Variants in PLD5 observed in about 807,000 individuals in gnomAD.
The protein encoded by PLD5 is inactive phospholipase D5.
PLD5 carries 36 observed loss-of-function variants against 61.1 expected under a neutral mutation model. The ratio of observed to expected loss-of-function variants is 0.59; its 90% CI spans 0.45 to 0.78. The LOEUF is 0.78. PLD5 is among the 30% of genes least tolerant of loss of function. PLD5 has a pLI of 0.00. For synonymous variants in PLD5, 243 were observed against 242.8 expected (o/e 1.00, Z -0.01); for missense variants, 515 against 644.4 (o/e 0.80, Z 2.17).
chr1:242,472,201 G>A (rs888214791), intron 1 of PLD5, among the ~76,000 whole-genome samples: 1 of 152,162 alleles, frequency 6.6e-6, no homozygotes, highest in Non-Finnish European at 1.5e-5. Flanking sequence ...TCCCACCACG[G>A]AGCTACTTGG....
intron 1 of PLD5, among the ~76,000 whole-genome samples, chr1:242,508,479 G>C (rs1050352991): frequency 1.3e-5 from 2 of 152,100 alleles, no homozygotes; most frequent in South Asian, 4.1e-4. Context: ...CCATATTGAG[G>C]AGCTCTTCAC....
At chr1:242,363,668 T>A (rs1449386937) in intron 1 of PLD5, among the ~76,000 whole-genome samples, 4 of 151,816 alleles carry the variant, frequency 2.6e-5, no homozygotes, top group Non-Finnish European at 1.5e-5. Context: ...ATTAAGCAAT[T>A]GAAGTCAACT....
intron 1 of PLD5, among the ~76,000 whole-genome samples, chr1:242,500,966 G>C (rs1033655309): frequency 6.6e-6 from 1 of 151,504 alleles, no homozygotes; most frequent in Non-Finnish European, 1.5e-5. Context: ...ATCATTTAAC[G>C]TTTTTCTTTA....
At chr1:242,159,583 C>G (rs1298988880) in intron 5 of PLD5, among the ~76,000 whole-genome samples, 1 of 152,090 alleles carries the variant, frequency 6.6e-6, no homozygotes, top group Non-Finnish European at 1.5e-5. Flanking sequence ...GGGGCTTTCT[C>G]CGTGATCCCG....
intron 5 of PLD5, among the ~76,000 whole-genome samples, chr1:242,182,815 C>T (rs1667607578): frequency 6.6e-6 from 1 of 152,068 alleles, no homozygotes; most frequent in Admixed American, 6.6e-5. Flanking sequence ...TGCACTCCAG[C>T]CTGGGCAACA....
intron 2 of PLD5, among the ~76,000 whole-genome samples, chr1:242,310,564 G>A (rs1464926547): frequency 6.6e-6 from 1 of 152,188 alleles, no homozygotes; most frequent in African/African-American, 2.4e-5. Context: ...AAGATAAGGA[G>A]AGGAAGATGG....
intron 1 of PLD5, among the ~76,000 whole-genome samples, chr1:242,371,220 C>T (rs1018407834): frequency 1.3e-5 from 2 of 152,122 alleles, no homozygotes; most frequent in Admixed American, 6.6e-5. Flanking sequence ...CACACACGCA[C>T]ACACTTTTAT....
chr1:242,383,572 T>C (rs1460757879), intron 1 of PLD5, among the ~76,000 whole-genome samples: 1 of 152,048 alleles, frequency 6.6e-6, no homozygotes, highest in African/African-American at 2.4e-5. Context: ...AGCTTCTGCC[T>C]AAGCTTTTGT....
chr1:242,510,171 A>G (rs1208288625), intron 1 of PLD5, among the ~76,000 whole-genome samples: 1 of 152,110 alleles, frequency 6.6e-6, no homozygotes, highest in South Asian at 2.1e-4. Flanking sequence ...ATGGCTGACT[A>G]TAGAAGACCC....
chr1:242,297,110 C>G (rs2149152168), intron 2 of PLD5, among the ~76,000 whole-genome samples: 1 of 152,170 alleles, frequency 6.6e-6, no homozygotes, highest in African/African-American at 2.4e-5. Flanking sequence ...CTTTGGGAGG[C>G]CAAGGCAAGC....
intron 5 of PLD5, among the ~76,000 whole-genome samples, chr1:242,213,692 C>T (rs551487711): frequency 6.6e-6 from 1 of 151,282 alleles, no homozygotes; most frequent in African/African-American, 2.4e-5. Flanking sequence ...AGAGAGTTAA[C>T]CCCCGCAGCA....
At position 242,300,809 on chromosome 1, in the gene PLD5, G is replaced by A. The variant is rs1445014581; in HGVS notation, c.327-12279C>T. Reference sequence around the variant, plus strand: ...GACCGCTGCGATAGCATGGAGCCTCGGCGAAGGGCGGTGGCAGCTTGAACC... The same window carrying A: ...GACCGCTGCGATAGCATGGAGCCTCAGCGAAGGGCGGTGGCAGCTTGAACC... On this transcript the variant is annotated intron_variant, in intron 2 of 9. Transcript: ENST00000536534. Among the ~76,000 whole-genome samples, 7 of 152,226 alleles carry A rather than the reference G, an allele frequency of 4.6e-5. No homozygotes were observed. The East Asian group carries it at 1.2e-3, about 25-fold the overall frequency.
intron 5 of PLD5, among the ~76,000 whole-genome samples, chr1:242,177,035 G>A (rs1667195002): frequency 6.6e-6 from 1 of 152,150 alleles, no homozygotes; most frequent in African/African-American, 2.4e-5. Flanking sequence ...CAAGGATCTA[G>A]AACCAGAAAT....
At chr1:242,176,407 C>A (rs145175448) in intron 5 of PLD5, among the ~76,000 whole-genome samples, 14 of 152,252 alleles carry the variant, frequency 9.2e-5, no homozygotes, top group African/African-American at 3.4e-4. Context: ...CGCTGTACCC[C>A]TTCCTTATAG....
intron 1 of PLD5, 148 bp downstream of exon 1, chr1:242,523,940 G>A (rs1011469811): frequency 5.9e-6 from 5 of 853,962 alleles, no homozygotes; most frequent in Middle Eastern, 3.6e-4. Context: ...TGCAGGCAGA[G>A]AAGCCCCCGA....
intron 1 of PLD5, among the ~76,000 whole-genome samples, chr1:242,432,394 C>A (rs184086054): frequency 6.6e-6 from 1 of 152,122 alleles, no homozygotes. Context: ...AGGCTGCCAA[C>A]GTAGGGGACA....
At chr1:242,381,534 G>A (rs1262561698) in intron 1 of PLD5, among the ~76,000 whole-genome samples, 1 of 152,130 alleles carries the variant, frequency 6.6e-6, no homozygotes, top group African/African-American at 2.4e-5. Context: ...TCCTGGACAT[G>A]TACCCTGGAA....
intron 2 of PLD5, among the ~76,000 whole-genome samples, chr1:242,325,435 G>T (rs1308793271): frequency 7.3e-6 from 1 of 136,092 alleles, no homozygotes; most frequent in South Asian, 2.8e-4. Flanking sequence ...AAAGGGGTGG[G>T]GGGGAGAGAG....
chr1:242,177,043 A>G (rs1278979371), intron 5 of PLD5, among the ~76,000 whole-genome samples: 1 of 152,218 alleles, frequency 6.6e-6, no homozygotes, highest in Non-Finnish European at 1.5e-5. Flanking sequence ...TAGAACCAGA[A>G]ATACCATTTA....
Sources: gnomAD v4.1 joint callset for allele counts (sites outside exome capture counted in the v4.1 genomes callset) on GRCh38, gnomAD v4.1.1 for gene constraint, MANE v1.5 for transcripts, NCBI Gene and HGNC (gene_info 2026-07-23, HGNC 2026-07-21) for gene names.